The following LRFN2 variants were observed in gnomAD, a reference collection of about 807,000 sequenced individuals.
LRFN2 encodes the protein leucine-rich repeat and fibronectin type-III domain-containing protein 2.
A neutral mutation model predicts 37.3 loss-of-function variants in LRFN2; 18 were observed. The observed-to-expected ratio is 0.48, with a 90% CI of 0.33 to 0.72. The LOEUF (loss-of-function observed/expected upper bound fraction) is 0.72. Among genes scored for constraint, LRFN2 ranks in the 30% least tolerant of loss-of-function variants. LRFN2 has a pLI of 0.02. For missense variants in LRFN2, 1,006 were observed against 1,060.7 expected, an observed-to-expected ratio of 0.95 and a Z score of 0.72; for synonymous variants, 556 against 466.6, an observed-to-expected ratio of 1.19 and a Z score of -2.47.
In LRFN2 at chr6:40,513,146, T is replaced by C. The variant is rs573129866; in HGVS notation, c.-19+73795A>G. ...CAGGGTGTGGCAGCTATAATTTGTCTGCAAGCTCGAGTGTTCAATAATTAT... is the reference window on the plus strand; with the variant it reads ...CAGGGTGTGGCAGCTATAATTTGTCCGCAAGCTCGAGTGTTCAATAATTAT... On this transcript the variant is annotated intron_variant, in intron 1 of 2. Coordinates refer to ENST00000338305, the MANE Select transcript of LRFN2 (RefSeq NM_020737.3). Among the ~76,000 whole-genome samples, 196 of 152,246 alleles carry C rather than the reference T, an allele frequency of 1.3e-3. 2 individuals are homozygous for C. Among genetic ancestry groups the C allele is most frequent in the Non-Finnish European group, 5.0e-4 (34 of 68,028 alleles).
intron 1 of LRFN2, among the ~76,000 whole-genome samples, chr6:40,572,773 G>C (rs982652272): frequency 3.9e-5 from 6 of 152,218 alleles, no homozygotes; most frequent in African/African-American, 1.4e-4. Flanking sequence ...GAAGGAGTGA[G>C]AGCTGGAAGT....
At chr6:40,476,812 G>C (rs1163502813) in intron 1 of LRFN2, among the ~76,000 whole-genome samples, 1 of 152,222 alleles carries the variant, frequency 6.6e-6, no homozygotes, top group East Asian at 1.9e-4. Flanking sequence ...CCCAGAACAG[G>C]CCTCGGATGT....
intron 2 of LRFN2, among the ~76,000 whole-genome samples, chr6:40,430,569 T>G (rs771326251): frequency 7.9e-5 from 12 of 152,258 alleles, no homozygotes; most frequent in Non-Finnish European, 1.6e-4. Context: ...GGAACTCATC[T>G]GTGGTCAGCA....
At position 40,392,730 on chromosome 6, in the gene LRFN2, T is replaced by C. The variant is rs780357979; in HGVS notation, c.1583A>G (p.Gln528Arg). The part of the protein sequence containing the change: ...DYPQCQSMHS[Q>R]ILGGTMILVI... Reference sequence around the variant, plus strand: ...CAGGATCATGGTGCCGCCCAGAATCTGGCTGTGCATGGACTGGCACTGCGG... The same window carrying C: ...CAGGATCATGGTGCCGCCCAGAATCCGGCTGTGCATGGACTGGCACTGCGG... The change falls in exon 3 of 3, where the codon CAG (glutamine) becomes CGG (arginine). Residue 528 changes from glutamine to arginine, a missense_variant. Physicochemically the swap from Gln to Arg is conservative, Grantham distance 43. This residue lies in a region of LRFN2 where 120 missense variants were observed against 178.4 expected (regional missense o/e 0.67). Transcript: ENST00000338305. The surrounding 1 kb of genome is among the most constrained non-coding windows in gnomAD (Gnocchi z 4.7). 1.2e-6 allele frequency: 2 copies of C among 1,614,010 alleles called. No homozygotes were observed. Among genetic ancestry groups the C allele is most frequent in the South Asian group, 1.1e-5 (1 of 91,088 alleles).
At chr6:40,529,073 G>A (rs1766304919) in intron 1 of LRFN2, among the ~76,000 whole-genome samples, 1 of 152,110 alleles carries the variant, frequency 6.6e-6, no homozygotes, top group Non-Finnish European at 1.5e-5. Flanking sequence ...TATTTTCCAG[G>A]CCTCAGGGTG....
At chr6:40,420,896 G>A (rs1468351920) in intron 2 of LRFN2, among the ~76,000 whole-genome samples, 1 of 152,212 alleles carries the variant, frequency 6.6e-6, no homozygotes, top group African/African-American at 2.4e-5. Context: ...TCAGCACAGG[G>A]CATTTTGCTA....
chr6:40,572,975 C>T (rs1360539974), intron 1 of LRFN2, among the ~76,000 whole-genome samples: 1 of 152,228 alleles, frequency 6.6e-6, no homozygotes, highest in Non-Finnish European at 1.5e-5. Context: ...AACCTGCTGC[C>T]TGCATAGCCG....
At chr6:40,469,537 T>A (rs1385904459) in intron 1 of LRFN2, among the ~76,000 whole-genome samples, 2 of 151,832 alleles carry the variant, frequency 1.3e-5, no homozygotes, top group Non-Finnish European at 2.9e-5. Flanking sequence ...TTCTGGAGAG[T>A]CATCCCATAA....
In LRFN2 at chr6:40,422,752, G is replaced by A. The variant is rs188842415; in HGVS notation, c.1400+8962C>T. On this transcript the variant is annotated intron_variant, in intron 2 of 2. Transcript: ENST00000338305. The stretch of plus-strand genomic sequence containing the variant: ...CATCCCTCTGTAAGCCCTTTTTGGT[G>A]TTTTCCTGGTATGGAATAAACGATA... Among the ~76,000 whole-genome samples the A allele has an allele frequency of 1.8e-3, 274 of 152,206 alleles. 2 individuals carry two copies. The highest frequency in any genetic ancestry group is 6.4e-3 in the African/African-American group (265 of 41,522).
chr6:40,494,119 G>T (rs1366246259), intron 1 of LRFN2, among the ~76,000 whole-genome samples: 2 of 152,248 alleles, frequency 1.3e-5, no homozygotes, highest in African/African-American at 4.8e-5. Flanking sequence ...AACAACACAA[G>T]ATGGGAAAGC....
At chr6:40,418,734 C>A (rs568888873) in intron 2 of LRFN2, among the ~76,000 whole-genome samples, 1 of 152,148 alleles carries the variant, frequency 6.6e-6, no homozygotes, top group Non-Finnish European at 1.5e-5. Flanking sequence ...GGCTCAGAGT[C>A]CTCATCTGTC....
chr6:40,412,050 C>T (rs921583835), intron 2 of LRFN2, among the ~76,000 whole-genome samples: 3 of 152,166 alleles, frequency 2.0e-5, no homozygotes, highest in Non-Finnish European at 4.4e-5. Context: ...GGCTGCTGGA[C>T]AGGCTCAATG....
At chr6:40,579,849 C>T (rs1270023976) in intron 1 of LRFN2, among the ~76,000 whole-genome samples, 1 of 118,916 alleles carries the variant, frequency 8.4e-6, no homozygotes, top group African/African-American at 3.3e-5. Context: ...ACGTAGTAGG[C>T]ATTCAATTAA....
chr6:40,422,518 G>T (rs568444470), intron 2 of LRFN2, among the ~76,000 whole-genome samples: 3 of 151,594 alleles, frequency 2.0e-5, no homozygotes, highest in African/African-American at 7.2e-5. Flanking sequence ...GTGGTAGGAA[G>T]CCCTGGACTC....
At chr6:40,469,301 T>C (rs1231952065) in intron 1 of LRFN2, among the ~76,000 whole-genome samples, 8 of 152,214 alleles carry the variant, frequency 5.3e-5, no homozygotes, top group Non-Finnish European at 7.3e-5. Flanking sequence ...CTTCAGGCCC[T>C]CAGGACTATA....
intron 1 of LRFN2, among the ~76,000 whole-genome samples, chr6:40,502,824 G>A (rs768747873): frequency 4.6e-5 from 7 of 152,242 alleles, no homozygotes; most frequent in Non-Finnish European, 8.8e-5. Context: ...AGAGTCGAGC[G>A]TTGGGGCAGA....
At chr6:40,504,632 A>G (rs1765481233) in intron 1 of LRFN2, among the ~76,000 whole-genome samples, 1 of 152,218 alleles carries the variant, frequency 6.6e-6, no homozygotes, top group African/African-American at 2.4e-5. Flanking sequence ...GAAACAGTAC[A>G]GAAATGTATA....
intron 1 of LRFN2, among the ~76,000 whole-genome samples, chr6:40,469,720 TG>T (rs1764550945): frequency 6.6e-6 from 1 of 152,170 alleles, no homozygotes; most frequent in African/African-American, 2.4e-5. Context: ...ATAGAGGCCC[TG>T]GCAGGGGCCT....
chr6:40,423,318 G>C (rs6901892), intron 2 of LRFN2, among the ~76,000 whole-genome samples: 20,402 of 152,186 alleles, frequency 0.13, 1,503 homozygotes, highest in African/African-American at 0.18. Context: ...AATGGAGACA[G>C]AAGAGGCAGG....
Sources: allele counts gnomAD v4.1 joint callset (sites outside exome capture counted in the v4.1 genomes callset), GRCh38; gene constraint gnomAD v4.1.1; regional missense constraint gnomAD v4.1.1; non-coding constraint Gnocchi (gnomAD v3.1); transcripts MANE v1.5; gene names NCBI Gene and HGNC (gene_info 2026-07-23, HGNC 2026-07-21).